Variants in ZNF44 observed in about 807,000 individuals in gnomAD.
The protein encoded by ZNF44 is zinc finger protein 44, also known as gonadotropin inducible transcription repressor-2.
ZNF44 carries 9 observed loss-of-function variants against 11.7 expected under a neutral mutation model. The ratio of observed to expected loss-of-function variants is 0.77; its 90% CI spans 0.46 to 1.35. ZNF44 has a LOEUF of 1.35. ZNF44 is among the 40% of genes most tolerant of loss of function. The pLI is 0.00. For synonymous variants in ZNF44, 224 were observed against 242.7 expected, an observed-to-expected ratio of 0.92 and a Z score of 0.72; for missense variants, 696 against 743.1, an observed-to-expected ratio of 0.94 and a Z score of 0.74.
rs756094032 is a variant in ZNF44 at position 12,273,489 on chromosome 19, T to C, written c.766A>G (p.Lys256Glu). 1.3e-5 allele frequency: 21 copies of C among 1,613,988 alleles called. No homozygotes were observed. The highest frequency in any genetic ancestry group is 1.7e-5 in the Non-Finnish European group (20 of 1,180,030). The change falls in exon 4 of 4, where the codon AAG becomes GAG. Residue 256 changes from lysine to glutamate, a missense_variant. By Grantham distance (56) the Lys-to-Glu change is moderately conservative. Coordinates refer to ENST00000355684, the MANE Select transcript of ZNF44 (RefSeq NM_016264.4). ...IHTGEKPYEC[K>E]QCSKAFPDYS... ...TCAGGGAAGGCTTTAGAACACTGCT[T>C]ACATTCATACGGTTTCTCCCCAGTG...
chr19:12,265,987 C>T (rs538268884), intron 5 of ZNF44, among the ~76,000 whole-genome samples: 6 of 152,358 alleles, frequency 3.9e-5, no homozygotes, highest in African/African-American at 1.4e-4. Context: ...CTCCCATGGT[C>T]CCCGCACAAT....
At chr19:12,243,464 T>C (rs1325380336), downstream of ZNF44, among the ~76,000 whole-genome samples, 2 of 152,234 alleles carry the variant, frequency 1.3e-5, no homozygotes, top group Non-Finnish European at 2.9e-5. Context: ...TATTTTATAG[T>C]GTCCACCAGG....
At chr19:12,248,629 C>T (rs575767988) in exon 8 of ZNF44, 173 of 1,308,810 alleles carry the variant, frequency 1.3e-4, no homozygotes, top group Middle Eastern at 2.1e-4. Context: ...AAACCTTCTC[C>T]GCCATGACTA....
At chr19:12,249,179 G>A (rs528450021) in intron 7 of ZNF44, among the ~76,000 whole-genome samples, 181 of 151,304 alleles carry the variant, frequency 1.2e-3, no homozygotes, top group African/African-American at 4.1e-3. Flanking sequence ...GAGCCACCGC[G>A]CCTGGACCAT....
Position 12,272,647 on chromosome 19 carries a change from T to C in ZNF44, c.1608A>G (p.Gln536=). The C allele has an allele frequency of 6.2e-7, 1 of 1,613,686 alleles. No homozygotes were observed. Among genetic ancestry groups the C allele is most frequent in the South Asian group, 1.1e-5 (1 of 91,024 alleles). Residue 536 remains glutamine, a synonymous_variant, in exon 4 of 4, where the codon CAA becomes CAG. Coordinates refer to ENST00000355684, the MANE Select transcript of ZNF44 (RefSeq NM_016264.4). The part of the protein sequence containing the change: ...HTAEKPYECK[Q]CRKAFFWPSF... ...AGGGCCAAAAGAATGCTTTCCTGCATTGCTTACATTCATATGGCTTCTCTG... is the reference window on the plus strand; with the variant it reads ...AGGGCCAAAAGAATGCTTTCCTGCACTGCTTACATTCATATGGCTTCTCTG...
At chr19:12,248,622 C>G in exon 8 of ZNF44, 1 of 1,306,048 alleles carries the variant, frequency 7.7e-7, no homozygotes, top group Non-Finnish European at 1.0e-6. Context: ...CTGGCTGAAA[C>G]CTTCTCCGCC....
intron 1 of ZNF44, among the ~76,000 whole-genome samples, chr19:12,280,470 G>C (rs1967431958): frequency 2.0e-5 from 3 of 151,876 alleles, no homozygotes; most frequent in Non-Finnish European, 4.4e-5. Context: ...AGACTATATA[G>C]ATATATAATA....
At chr19:12,225,303 G>C (rs964744169), downstream of ZNF44, 2 of 152,364 alleles carry the variant, frequency 1.3e-5, no homozygotes, top group African/African-American at 4.8e-5. Flanking sequence ...ATTAGGCAGG[G>C]TAAGAACATT....
chr19:12,247,533 T>C, downstream of ZNF44: 2 of 1,350,498 alleles, frequency 1.5e-6, no homozygotes, highest in Non-Finnish European at 2.0e-6. Context: ...ATAAGGTTTC[T>C]CTCCAGTGTG....
chr19:12,258,723 A>G (rs1050702358), intron 5 of ZNF44, among the ~76,000 whole-genome samples: 1 of 152,026 alleles, frequency 6.6e-6, no homozygotes, highest in Non-Finnish European at 1.5e-5. Flanking sequence ...CCAACTACTC[A>G]GGAGGCTGAG....
downstream of ZNF44, among the ~76,000 whole-genome samples, chr19:12,243,029 G>A (rs567011802): frequency 6.6e-6 from 1 of 152,200 alleles, no homozygotes; most frequent in East Asian, 1.9e-4. Context: ...GCCAAAATAC[G>A]TCATGCAAGA....
chr19:12,276,485 G>A (rs556045663), intron 1 of ZNF44, among the ~76,000 whole-genome samples: 1 of 152,152 alleles, frequency 6.6e-6, no homozygotes, highest in Non-Finnish European at 1.5e-5. Context: ...TGAACCTTTC[G>A]TGGTGTCTAG....
At chr19:12,276,573 T>A (rs1967229589) in intron 1 of ZNF44, among the ~76,000 whole-genome samples, 1 of 152,110 alleles carries the variant, frequency 6.6e-6, no homozygotes, top group African/African-American at 2.4e-5. Flanking sequence ...TGTGTAAAAA[T>A]TATGGTATTT....
At chr19:12,248,773 A>C in intron 7 of ZNF44, 1 of 805,472 alleles carries the variant, frequency 1.2e-6, no homozygotes, top group Non-Finnish European at 1.7e-6. Flanking sequence ...ACTTTCAGGG[A>C]AAGTACAGAT....
intron 5 of ZNF44, chr19:12,260,620 CAAAAAA>C: frequency 1.6e-6 from 1 of 618,854 alleles, no homozygotes; most frequent in South Asian, 2.0e-5. Flanking sequence ...AAAACAAAAA[CAAAAAA>C]ACAAAACAAA....
intron 3 of ZNF44, among the ~76,000 whole-genome samples, chr19:12,229,325 GA>G (rs1409345204): frequency 6.6e-6 from 1 of 152,170 alleles, no homozygotes; most frequent in Non-Finnish European, 1.5e-5. Flanking sequence ...AAGATTTTGA[GA>G]GGTACTTATT....
intron 3 of ZNF44, among the ~76,000 whole-genome samples, chr19:12,274,705 G>C (rs1260282157): frequency 6.6e-6 from 1 of 152,036 alleles, no homozygotes; most frequent in African/African-American, 2.4e-5. Context: ...AAAGTGCTGG[G>C]ATTGCGGGCA....
chr19:12,277,474 C>T (rs1967276804), intron 1 of ZNF44, among the ~76,000 whole-genome samples: 1 of 152,080 alleles, frequency 6.6e-6, no homozygotes, highest in Admixed American at 6.5e-5. Flanking sequence ...AATAACATTA[C>T]ATAAACCAAT....
downstream of ZNF44, among the ~76,000 whole-genome samples, chr19:12,243,882 T>C (rs1916695972): frequency 6.6e-6 from 1 of 152,250 alleles, no homozygotes; most frequent in Non-Finnish European, 1.5e-5. Context: ...AATTGTGGTT[T>C]TGATTTGAAT....
Sources: allele counts gnomAD v4.1 joint callset (sites outside exome capture counted in the v4.1 genomes callset), GRCh38; gene constraint gnomAD v4.1.1; transcripts MANE v1.5; gene names NCBI Gene and HGNC (gene_info 2026-07-23, HGNC 2026-07-21).